Variants in PDS5B observed in about 807,000 individuals in gnomAD.
The protein encoded by PDS5B is sister chromatid cohesion protein PDS5 homolog B.
PDS5B carries 51 observed loss-of-function variants against 184.1 expected under a neutral mutation model. The ratio of observed to expected loss-of-function variants is 0.28; its 90% CI spans 0.22 to 0.35. The LOEUF (loss-of-function observed/expected upper bound fraction) is 0.35, where lower values mean the gene tolerates loss of function less well. PDS5B is among the 10% of genes least tolerant of loss of function. The pLI, the probability that PDS5B is intolerant of heterozygous loss-of-function variation, is 1.00. For synonymous variants in PDS5B, 566 were observed against 569.2 expected, an observed-to-expected ratio of 0.99 and a Z score of 0.08; for missense variants, 1,180 against 1,723.3, an observed-to-expected ratio of 0.68 and a Z score of 5.58.
intron 1 of PDS5B, among the ~76,000 whole-genome samples, chr13:32,590,383 T>C (rs2057756247): frequency 6.6e-6 from 1 of 152,180 alleles, no homozygotes; most frequent in Non-Finnish European, 1.5e-5. Context: ...CCCTGTCCTA[T>C]AGAAGTGCAG....
intron 14 of PDS5B, among the ~76,000 whole-genome samples, chr13:32,696,012 A>G (rs1951692491): frequency 6.6e-6 from 1 of 152,242 alleles, no homozygotes; most frequent in Non-Finnish European, 1.5e-5. Flanking sequence ...CCCAAATAAA[A>G]CAGCAACAAT....
At chr13:32,669,948 A>AG (rs1483975145) in intron 7 of PDS5B, among the ~76,000 whole-genome samples, 1 of 152,164 alleles carries the variant, frequency 6.6e-6, no homozygotes, top group Admixed American at 6.6e-5. Context: ...GTCTTGTAGT[A>AG]GGGTAAAATT....
intron 16 of PDS5B, 96 bp downstream of exon 16, chr13:32,699,965 T>C (rs1447508281): frequency 3.3e-5 from 39 of 1,164,636 alleles, no homozygotes; most frequent in Non-Finnish European, 4.4e-5. Flanking sequence ...TTATATTAAA[T>C]TTGAAAAATG....
At chr13:32,712,594 T>C (rs190233324) in intron 19 of PDS5B, among the ~76,000 whole-genome samples, 2 of 152,332 alleles carry the variant, frequency 1.3e-5, no homozygotes, top group East Asian at 3.9e-4. Context: ...CTGGACAGAA[T>C]TGGCACCAGA....
intron 1 of PDS5B, among the ~76,000 whole-genome samples, chr13:32,615,611 A>T (rs1316498273): frequency 6.6e-6 from 1 of 152,186 alleles, no homozygotes; most frequent in Non-Finnish European, 1.5e-5. Flanking sequence ...CTTTAGAGAC[A>T]CTTATTGAAC....
intron 19 of PDS5B, among the ~76,000 whole-genome samples, chr13:32,717,025 TCAGCCCCCCGCC>T (rs1952468929): frequency 8.9e-6 from 1 of 112,926 alleles, no homozygotes; most frequent in African/African-American, 3.9e-5. Context: ...GGTGGGGGGG[TCAGCCCCCCGCC>T]CGGCCAGCCG....
chr13:32,717,684 C>G (rs1250071489), intron 19 of PDS5B, among the ~76,000 whole-genome samples: 1 of 68,378 alleles, frequency 1.5e-5, no homozygotes, highest in Non-Finnish European at 2.8e-5. Flanking sequence ...CAAGAATGAT[C>G]AATAAAAAAA....
At chr13:32,644,610 T>C (rs1364114016) in intron 1 of PDS5B, among the ~76,000 whole-genome samples, 1 of 152,194 alleles carries the variant, frequency 6.6e-6, no homozygotes, top group African/African-American at 2.4e-5. Flanking sequence ...AGTAGGTATG[T>C]TCCTGTAGTT....
At chr13:32,682,592 A>C (rs987702174) in intron 10 of PDS5B, among the ~76,000 whole-genome samples, 3 of 152,162 alleles carry the variant, frequency 2.0e-5, no homozygotes, top group African/African-American at 7.2e-5. Flanking sequence ...GAATAGTCTT[A>C]TACAAGTATT....
intron 1 of PDS5B, among the ~76,000 whole-genome samples, chr13:32,642,444 G>C (rs1378093013): frequency 6.6e-6 from 1 of 152,174 alleles, no homozygotes; most frequent in Non-Finnish European, 1.5e-5. Flanking sequence ...AGTGTGACTA[G>C]CTGTAGGGGA....
At chr13:32,737,040 T>TC (rs1268582612) in intron 21 of PDS5B, among the ~76,000 whole-genome samples, 3 of 152,230 alleles carry the variant, frequency 2.0e-5, no homozygotes, top group Non-Finnish European at 4.4e-5. Context: ...GAAGTTTGTA[T>TC]CTGTTAGGCT....
At chr13:32,647,708 G>A (rs1201687562) in intron 1 of PDS5B, among the ~76,000 whole-genome samples, 1 of 151,294 alleles carries the variant, frequency 6.6e-6, no homozygotes, top group Non-Finnish European at 1.5e-5. Context: ...AATTTTTTTT[G>A]TTTCCTGTAG....
chr13:32,673,728 A>G (rs936765495), intron 8 of PDS5B, among the ~76,000 whole-genome samples: 1 of 152,214 alleles, frequency 6.6e-6, no homozygotes, highest in Non-Finnish European at 1.5e-5. Flanking sequence ...TTTTTTATCC[A>G]CATAGTGTGA....
intron 24 of PDS5B, among the ~76,000 whole-genome samples, chr13:32,748,263 A>G (rs1231169199): frequency 6.6e-6 from 1 of 152,100 alleles, no homozygotes; most frequent in Non-Finnish European, 1.5e-5. Flanking sequence ...TTACTCTCTT[A>G]TCCTGTCTTC....
intron 19 of PDS5B, among the ~76,000 whole-genome samples, chr13:32,711,984 G>A (rs1355098381): frequency 6.6e-6 from 1 of 152,206 alleles, no homozygotes; most frequent in Non-Finnish European, 1.5e-5. Context: ...CATACAGCTA[G>A]CAAGTGACAG....
chr13:32,762,637 C>A (rs1050866772), intron 30 of PDS5B, among the ~76,000 whole-genome samples: 10 of 152,096 alleles, frequency 6.6e-5, no homozygotes, highest in African/African-American at 2.4e-4. Flanking sequence ...ATCTAATTCA[C>A]CCAGGCAGAA....
At chr13:32,710,167 T>C in intron 19 of PDS5B, 61 bp downstream of exon 19, 1 of 1,142,450 alleles carries the variant, frequency 8.8e-7, no homozygotes, top group Non-Finnish European at 1.2e-6. Context: ...TTTCTTGATT[T>C]ATGCAATAAT....
intron 1 of PDS5B, among the ~76,000 whole-genome samples, chr13:32,645,503 T>A (rs914715478): frequency 6.6e-6 from 1 of 152,228 alleles, no homozygotes; most frequent in Non-Finnish European, 1.5e-5. Context: ...TCTTAATCAT[T>A]TTTTTCTTTC....
intron 19 of PDS5B, among the ~76,000 whole-genome samples, chr13:32,729,834 A>G (rs1324300836): frequency 6.6e-6 from 1 of 151,878 alleles, no homozygotes; most frequent in Non-Finnish European, 1.5e-5. Context: ...TAGATTCTGG[A>G]TATTAGCCCT....
Sources: allele counts gnomAD v4.1 joint callset (sites outside exome capture counted in the v4.1 genomes callset), GRCh38; gene constraint gnomAD v4.1.1; transcripts MANE v1.5; gene names NCBI Gene and HGNC (gene_info 2026-07-23, HGNC 2026-07-21).